The following PRICKLE2 variants were observed in gnomAD, a reference collection of about 807,000 sequenced individuals.
PRICKLE2 encodes prickle-like protein 2.
In PRICKLE2, 21 loss-of-function variants were observed where a neutral mutation model predicts 81.4. The ratio of observed to expected loss-of-function variants is 0.26; its 90% CI spans 0.18 to 0.37. The LOEUF (loss-of-function observed/expected upper bound fraction) is 0.37. Among genes scored for constraint, PRICKLE2 ranks in the 10% least tolerant of loss-of-function variants. PRICKLE2 has a pLI of 1.00. For synonymous variants in PRICKLE2, 456 were observed against 421.5 expected (o/e 1.08, Z -1.00); for missense variants, 940 against 1,109.0 (o/e 0.85, Z 2.16).
In PRICKLE2 at chr3:64,157,336, G is replaced by T. The variant is rs559904651; in HGVS notation, c.426C>A (p.Ile142=). The change falls in exon 5 of 8, where the codon ATC becomes ATA. Residue 142 remains isoleucine (I), a synonymous_variant. Coordinates refer to ENST00000638394, the MANE Select transcript of PRICKLE2 (RefSeq NM_198859.4). ...GGCCAGCGCGTGACGCAAACACAGC[G>T]ATGTCTCCACCATTGATCTGGCCTC... The part of the protein sequence containing the change: ...QCGGQINGGD[I]AVFASRAGHG... 4.9e-5 allele frequency: 79 copies of T among 1,613,438 alleles called. 2 individuals carry two copies. In the South Asian group the frequency reaches 6.2e-4, roughly 13 times the overall value.
intron 2 of PRICKLE2, among the ~76,000 whole-genome samples, chr3:64,173,981 G>C (rs1014250521): frequency 6.6e-6 from 1 of 152,138 alleles, no homozygotes; most frequent in Non-Finnish European, 1.5e-5. Flanking sequence ...TTTTCTCAAA[G>C]TAAAGAGGAT....
chr3:64,245,362 T>C (rs533291324), intron 2 of PRICKLE2, among the ~76,000 whole-genome samples: 1 of 152,324 alleles, frequency 6.6e-6, no homozygotes, highest in Admixed American at 6.5e-5. Context: ...TAGAAGTCTT[T>C]TTTTGTAGTC....
At chr3:64,259,879 C>G (rs2107188617) in intron 2 of PRICKLE2, among the ~76,000 whole-genome samples, 1 of 152,220 alleles carries the variant, frequency 6.6e-6, no homozygotes, top group South Asian at 2.1e-4. Flanking sequence ...CTTCTGGCTT[C>G]CAGAACAGTA....
chr3:64,192,032 A>G (rs531343050), intron 2 of PRICKLE2, among the ~76,000 whole-genome samples: 100 of 152,348 alleles, frequency 6.6e-4, no homozygotes, highest in African/African-American at 2.4e-3. Context: ...GGCCTTTTGC[A>G]ACCTAAGCAA....
chr3:64,157,018 TG>T, intron 5 of PRICKLE2, 143 bp downstream of exon 5: 1 of 770,322 alleles, frequency 1.3e-6, no homozygotes, highest in Non-Finnish European at 2.3e-6. Context: ...CAGGGATGGG[TG>T]GGGCTTCTCT....
intron 2 of PRICKLE2, among the ~76,000 whole-genome samples, chr3:64,244,603 G>GGTGTGTGTGTGT (rs71680837): frequency 8.7e-5 from 8 of 91,692 alleles, no homozygotes; most frequent in South Asian, 3.8e-4. Context: ...GTGAATGACT[G>GGTGTGTGTGTGT]GTGTGTGTGT....
intron 2 of PRICKLE2, among the ~76,000 whole-genome samples, chr3:64,233,300 C>G (rs2079132835): frequency 6.6e-6 from 1 of 152,178 alleles, no homozygotes; most frequent in African/African-American, 2.4e-5. Context: ...AAACTGCAGT[C>G]ATCTTGATTC....
chr3:64,227,748 A>G (rs897963390), upstream of PRICKLE2, among the ~76,000 whole-genome samples: 5 of 152,198 alleles, frequency 3.3e-5, no homozygotes, highest in African/African-American at 1.2e-4. Flanking sequence ...ATTAATGTGA[A>G]TCATTTAACA....
chr3:64,261,514 G>T (rs2079614694), intron 2 of PRICKLE2, among the ~76,000 whole-genome samples: 1 of 152,120 alleles, frequency 6.6e-6, no homozygotes. Context: ...AGAAAAGTTG[G>T]TAAGATAATG....
intron 3 of PRICKLE2, among the ~76,000 whole-genome samples, chr3:64,161,180 C>T (rs1463992226): frequency 6.6e-6 from 1 of 152,210 alleles, no homozygotes; most frequent in Non-Finnish European, 1.5e-5. Flanking sequence ...TATTCAACTA[C>T]TCTATCACAA....
intron 1 of PRICKLE2, among the ~76,000 whole-genome samples, chr3:64,207,862 T>C (rs561009840): frequency 1.3e-5 from 2 of 152,292 alleles, no homozygotes; most frequent in Non-Finnish European, 2.9e-5. Flanking sequence ...ACGCTAGTCA[T>C]ATAACCTCCA....
chr3:64,168,267 T>A (rs1485464552), intron 2 of PRICKLE2, among the ~76,000 whole-genome samples: 1 of 152,148 alleles, frequency 6.6e-6, no homozygotes, highest in Non-Finnish European at 1.5e-5. Context: ...ACCATCTAGA[T>A]GCGGAGGGGG....
intron 2 of PRICKLE2, among the ~76,000 whole-genome samples, chr3:64,251,583 C>T (rs1349276572): frequency 5.3e-5 from 8 of 152,142 alleles, no homozygotes; most frequent in Admixed American, 1.3e-4. Flanking sequence ...ATGAGATTCC[C>T]CTTCACATAT....
chr3:64,204,536 C>T (rs949609747), intron 1 of PRICKLE2, among the ~76,000 whole-genome samples: 7 of 151,794 alleles, frequency 4.6e-5, no homozygotes, highest in Non-Finnish European at 1.0e-4. Context: ...TATCTGATTC[C>T]AACCACAGAA....
chr3:64,155,859 G>C (rs1027262533), intron 5 of PRICKLE2, among the ~76,000 whole-genome samples: 1 of 152,128 alleles, frequency 6.6e-6, no homozygotes, highest in Non-Finnish European at 1.5e-5. Flanking sequence ...GTTGCCAGGG[G>C]CTAGGGAAAG....
chr3:64,168,546 C>G (rs774189331), intron 2 of PRICKLE2, among the ~76,000 whole-genome samples: 1 of 152,192 alleles, frequency 6.6e-6, no homozygotes, highest in African/African-American at 2.4e-5. Context: ...AGTGACCCTA[C>G]GGCTTGACGC....
intron 2 of PRICKLE2, among the ~76,000 whole-genome samples, chr3:64,164,528 G>T (rs1029292740): frequency 6.6e-6 from 1 of 152,110 alleles, no homozygotes; most frequent in Non-Finnish European, 1.5e-5. Context: ...TTAGAAGAGG[G>T]GGTGAAAAGG....
At chr3:64,110,390 C>T (rs571335658) in intron 7 of PRICKLE2, among the ~76,000 whole-genome samples, 1 of 152,278 alleles carries the variant, frequency 6.6e-6, no homozygotes, top group South Asian at 2.1e-4. Flanking sequence ...TGACAAAGCC[C>T]TGCTATTGCC....
rs546895239 is a variant in PRICKLE2, at chr3:64,140,665, T to C, written c.1660+6165A>G. On this transcript the variant is annotated intron_variant, in intron 7 of 7. Transcript: ENST00000638394. ...GACCTCTAATTTGCAACTAATGCCT[T>C]GGTCCCCCACTCTGCCCTTGGTGTC... Among the ~76,000 whole-genome samples the C allele has an allele frequency of 6.3e-4, 96 of 152,266 alleles. No homozygotes were observed. The Middle Eastern group carries it at 0.01, about 16-fold the overall frequency.
Sources: allele counts gnomAD v4.1 joint callset (sites outside exome capture counted in the v4.1 genomes callset), GRCh38; gene constraint gnomAD v4.1.1; transcripts MANE v1.5; gene names NCBI Gene and HGNC (gene_info 2026-07-23, HGNC 2026-07-21).